The following CSMD1 variants were observed in gnomAD, a reference collection of about 807,000 sequenced individuals.
CSMD1 encodes CUB and Sushi multiple domains 1.
CSMD1 carries 213 observed loss-of-function variants against 417.5 expected under a neutral mutation model. The observed-to-expected ratio is 0.51, with a 90% CI of 0.46 to 0.57. CSMD1 has a LOEUF of 0.57. Ranked by LOEUF, CSMD1 falls within the 20% of genes least tolerant of loss-of-function variation. CSMD1 has a pLI of 0.00. For missense variants in CSMD1, 6,923 were observed against 4,529.7 expected (o/e 1.53, Z -15.17); for synonymous variants, 2,862 against 1,736.8 (o/e 1.65, Z -16.11).
chr8:3,656,117 C>T (rs79469898), intron 7 of CSMD1, among the ~76,000 whole-genome samples: 7,795 of 152,222 alleles, frequency 0.051, 258 homozygotes, highest in South Asian at 0.088. Flanking sequence ...TCATGGGGTG[C>T]GCAGTGAACT....
chr8:4,623,023 C>T (rs1433768225), intron 2 of CSMD1, among the ~76,000 whole-genome samples: 1 of 151,876 alleles, frequency 6.6e-6, no homozygotes. Context: ...TTTTTTAAGA[C>T]TAAAAAATGT....
rs369905504 is a variant in CSMD1 at position 3,478,659 on chromosome 8, C to T, written c.1449-9835G>A. 8.5e-5 allele frequency among the ~76,000 whole-genome samples: 13 copies of T among 152,206 alleles called. No individual in the cohort carries two copies. In the East Asian group the frequency reaches 2.1e-3, roughly 25 times the overall value. Reference sequence around the variant, plus strand: ...GGCAACAGAAGGACCCCAGCAAGCCCGTTCCTTCTCCAGATGCAACTGTGA... The same window carrying T: ...GGCAACAGAAGGACCCCAGCAAGCCTGTTCCTTCTCCAGATGCAACTGTGA... On this transcript the variant is annotated intron_variant, in intron 11 of 69. Transcript: ENST00000635120.
chr8:3,709,694 T>C (rs1446082947), intron 6 of CSMD1, among the ~76,000 whole-genome samples: 1 of 121,810 alleles, frequency 8.2e-6, no homozygotes, highest in Admixed American at 8.4e-5. Context: ...TTTTTTTTTT[T>C]TTTTTTTTTT....
chr8:4,101,315 G>A (rs1219207718), intron 3 of CSMD1, among the ~76,000 whole-genome samples: 1 of 152,182 alleles, frequency 6.6e-6, no homozygotes, highest in African/African-American at 2.4e-5. Context: ...CACTTGAACA[G>A]CTGTGGAAGG....
intron 10 of CSMD1, among the ~76,000 whole-genome samples, chr8:3,540,598 C>G (rs766399273): frequency 6.6e-6 from 1 of 152,102 alleles, no homozygotes; most frequent in Non-Finnish European, 1.5e-5. Flanking sequence ...AACAGACAAC[C>G]TACAGAATGG....
intron 3 of CSMD1, among the ~76,000 whole-genome samples, chr8:4,348,460 C>T (rs1800900868): frequency 6.6e-6 from 1 of 151,984 alleles, no homozygotes; most frequent in African/African-American, 2.4e-5. Flanking sequence ...TGATCATTTG[C>T]TGAAGTATCT....
intron 21 of CSMD1, 108 bp from the exon 22 acceptor site, chr8:3,348,269 T>A (rs1176197315): frequency 1.3e-6 from 1 of 786,650 alleles, no homozygotes; most frequent in East Asian, 2.8e-5. Flanking sequence ...TCAACGTATG[T>A]GTGTTAGTAA....
At chr8:3,493,949 T>C (rs909791344) in intron 10 of CSMD1, among the ~76,000 whole-genome samples, 17 of 152,224 alleles carry the variant, frequency 1.1e-4, no homozygotes, top group African/African-American at 3.4e-4. Context: ...TCCCAACTTA[T>C]GTATTTTCAC....
intron 5 of CSMD1, among the ~76,000 whole-genome samples, chr8:3,935,551 T>C (rs1219917043): frequency 1.3e-5 from 2 of 152,216 alleles, no homozygotes; most frequent in South Asian, 2.1e-4. Flanking sequence ...CCCAGGCTTC[T>C]AGGTATATGA....
chr8:4,169,409 G>C (rs569515875), intron 3 of CSMD1, among the ~76,000 whole-genome samples: 1 of 152,040 alleles, frequency 6.6e-6, no homozygotes, highest in Non-Finnish European at 1.5e-5. Context: ...GTAAATACTC[G>C]TCTTTTTCTC....
rs150938634 is a variant in CSMD1, at chr8:3,872,704, G to C, written c.819-118662C>G. Among the ~76,000 whole-genome samples, 377 of 152,074 alleles carry C rather than the reference G, an allele frequency of 2.5e-3. 3 individuals carry two copies. The highest frequency in any genetic ancestry group is 7.9e-3 in the African/African-American group (326 of 41,494). ...TGAAGAGCCTCGTGCTACTTAGAAG[G>C]CCTTGTTCTCACTATTAACAGAGTG... On this transcript the variant is annotated intron_variant, in intron 5 of 69. Transcript: ENST00000635120.
chr8:4,631,916 A>T (rs1802540610), intron 2 of CSMD1, among the ~76,000 whole-genome samples: 1 of 152,154 alleles, frequency 6.6e-6, no homozygotes, highest in Non-Finnish European at 1.5e-5. Flanking sequence ...TTCTATATTG[A>T]GTGGTAAAAT....
At chr8:4,558,385 T>C (rs1346959716) in intron 2 of CSMD1, among the ~76,000 whole-genome samples, 2 of 152,222 alleles carry the variant, frequency 1.3e-5, no homozygotes, top group African/African-American at 4.8e-5. Flanking sequence ...CTAAAACGTA[T>C]TTTTCAAATT....
intron 3 of CSMD1, among the ~76,000 whole-genome samples, chr8:4,267,855 C>G (rs1258065104): frequency 2.0e-5 from 3 of 152,066 alleles, no homozygotes; most frequent in Admixed American, 1.3e-4. Flanking sequence ...GAATTATTGT[C>G]ATAGCCATAT....
intron 1 of CSMD1, among the ~76,000 whole-genome samples, chr8:4,727,284 C>G (rs1809522967): frequency 6.6e-6 from 1 of 152,142 alleles, no homozygotes; most frequent in Non-Finnish European, 1.5e-5. Flanking sequence ...CCGGTGAAGT[C>G]TGTAACAATA....
At chr8:4,785,877 G>C (rs1016499682) in intron 1 of CSMD1, among the ~76,000 whole-genome samples, 2 of 152,062 alleles carry the variant, frequency 1.3e-5, no homozygotes, top group Non-Finnish European at 2.9e-5. Flanking sequence ...ACACAACGGG[G>C]CCTGGATTTT....
chr8:3,821,465 T>C (rs1201251582), intron 5 of CSMD1, among the ~76,000 whole-genome samples: 1 of 151,762 alleles, frequency 6.6e-6, no homozygotes, highest in Admixed American at 6.6e-5. Flanking sequence ...TGCCACTAAG[T>C]GTAGGACATT....
chr8:3,541,432 T>C (rs1262608469), intron 10 of CSMD1, among the ~76,000 whole-genome samples: 1 of 152,066 alleles, frequency 6.6e-6, no homozygotes, highest in African/African-American at 2.4e-5. Flanking sequence ...TGGGGCTTAA[T>C]ACCTAGGTGA....
intron 2 of CSMD1, among the ~76,000 whole-genome samples, chr8:4,616,203 A>G (rs1268628420): frequency 6.6e-6 from 1 of 152,162 alleles, no homozygotes; most frequent in Non-Finnish European, 1.5e-5. Context: ...TCTTTTTTGA[A>G]GTTCCGCACT....
Sources: gnomAD v4.1 joint callset for allele counts (sites outside exome capture counted in the v4.1 genomes callset) on GRCh38, gnomAD v4.1.1 for gene constraint, MANE v1.5 for transcripts, NCBI Gene and HGNC (gene_info 2026-07-23, HGNC 2026-07-21) for gene names.